Variants in HTR1F observed in about 807,000 individuals in gnomAD.
The protein encoded by HTR1F is 5-hydroxytryptamine (serotonin) receptor 1F, G protein-coupled.
In HTR1F, 17 loss-of-function variants were observed where a neutral mutation model predicts 24.0. The observed-to-expected ratio is 0.71, with a 90% CI of 0.48 to 1.06. The LOEUF (loss-of-function observed/expected upper bound fraction) is 1.06. Ranked by LOEUF, HTR1F falls within the 50% of genes least tolerant of loss-of-function variation. The pLI, the probability that HTR1F is intolerant of heterozygous loss-of-function variation, is 0.00. For synonymous variants in HTR1F, 186 were observed against 156.8 expected, an observed-to-expected ratio of 1.19 and a Z score of -1.39; for missense variants, 391 against 427.8, an observed-to-expected ratio of 0.91 and a Z score of 0.76.
intron 2 of HTR1F, among the ~76,000 whole-genome samples, chr3:87,857,251 GA>G (rs1300980970): frequency 6.6e-6 from 1 of 151,272 alleles, no homozygotes; most frequent in Non-Finnish European, 1.5e-5. Context: ...CCAATTAAGA[GA>G]AAAAAATTCT....
intron 2 of HTR1F, among the ~76,000 whole-genome samples, chr3:87,935,245 T>A (rs1704383569): frequency 6.6e-6 from 1 of 152,048 alleles, no homozygotes; most frequent in African/African-American, 2.4e-5. Flanking sequence ...GCCCCAAAAA[T>A]GAAGAGAAAA....
chr3:87,919,806 G>A (rs1204622161), intron 2 of HTR1F, among the ~76,000 whole-genome samples: 1 of 151,970 alleles, frequency 6.6e-6, no homozygotes, highest in Non-Finnish European at 1.5e-5. Context: ...GGAGTACAGT[G>A]TGGAGATTCC....
chr3:87,823,546 A>C (rs1173020376), intron 2 of HTR1F, among the ~76,000 whole-genome samples: 1 of 140,620 alleles, frequency 7.1e-6, no homozygotes, highest in Non-Finnish European at 1.5e-5. Context: ...ACACGGTCTC[A>C]TGCTTTTACC....
rs372074106 is a variant in HTR1F, at chr3:87,990,899, G to A, written c.150G>A (p.Val50=). 6.2e-7 allele frequency: 1 copy of A among 1,614,052 alleles called. No individual in the cohort carries two copies. Among genetic ancestry groups the A allele is most frequent in the African/African-American group, 1.3e-5 (1 of 74,920 alleles). Reference sequence around the variant, plus strand: ...CCCTTGTGATCGCTGCAATTATTGTGACCCGGAAGCTGCACCATCCAGCCA... The same window carrying A: ...CCCTTGTGATCGCTGCAATTATTGTAACCCGGAAGCTGCACCATCCAGCCA... ...INSLVIAAII[V]TRKLHHPANY... The change falls in exon 3 of 3, where the codon GTG becomes GTA. Residue 50 remains valine (V), a synonymous_variant. Coordinates refer to ENST00000319595, the MANE Select transcript of HTR1F (RefSeq NM_001322209.2).
chr3:87,902,373 T>C (rs1706343512), intron 2 of HTR1F, among the ~76,000 whole-genome samples: 1 of 152,106 alleles, frequency 6.6e-6, no homozygotes, highest in Admixed American at 6.6e-5. Flanking sequence ...GGGAGGAATA[T>C]GAATCTTGAT....
intron 2 of HTR1F, among the ~76,000 whole-genome samples, chr3:87,934,011 G>A (rs1704351139): frequency 6.6e-6 from 1 of 152,090 alleles, no homozygotes; most frequent in Non-Finnish European, 1.5e-5. Flanking sequence ...TCCAGTCCCT[G>A]GGAAAACTGT....
intron 2 of HTR1F, among the ~76,000 whole-genome samples, chr3:87,925,384 T>C (rs1704101866): frequency 6.6e-6 from 1 of 152,058 alleles, no homozygotes; most frequent in Admixed American, 6.6e-5. Context: ...GTTACTTGGG[T>C]CTTGGAAATG....
At chr3:87,846,446 A>C (rs910519980) in intron 2 of HTR1F, among the ~76,000 whole-genome samples, 4 of 151,770 alleles carry the variant, frequency 2.6e-5, no homozygotes, top group Admixed American at 2.0e-4. Flanking sequence ...CAAAAAAAAA[A>C]TATATTATGA....
chr3:87,952,050 C>T (rs1386761879), intron 2 of HTR1F, among the ~76,000 whole-genome samples: 1 of 151,950 alleles, frequency 6.6e-6, no homozygotes, highest in Non-Finnish European at 1.5e-5. Context: ...GGATGTACCA[C>T]AGTTAATCTA....
chr3:87,980,996 T>TG lies in HTR1F; in HGVS notation c.-42-9705dup, dbSNP rs533025798. Among the ~76,000 whole-genome samples, 301 of 152,030 alleles carry TG rather than the reference T, an allele frequency of 2.0e-3. 2 individuals are homozygous for TG. Among genetic ancestry groups the TG allele is most frequent in the African/African-American group, 6.7e-3 (276 of 41,482 alleles). ...GTAGCTGGGGGGCTGCTGCTGCACC[T>TG]GGGGGGGTGGGGCTCCCACCCCACC... On this transcript the variant is annotated intron_variant, in intron 2 of 2. Transcript: ENST00000319595.
At chr3:87,905,601 A>G (rs1451538200) in intron 2 of HTR1F, among the ~76,000 whole-genome samples, 3 of 152,120 alleles carry the variant, frequency 2.0e-5, no homozygotes, top group Non-Finnish European at 4.4e-5. Flanking sequence ...AGTCATTGAG[A>G]CATACTTTTT....
At chr3:87,895,850 A>C (rs1320820499) in intron 2 of HTR1F, among the ~76,000 whole-genome samples, 1 of 152,172 alleles carries the variant, frequency 6.6e-6, no homozygotes, top group Non-Finnish European at 1.5e-5. Flanking sequence ...GATACAGGTA[A>C]GATAAGAGTT....
At chr3:87,865,862 T>C (rs1203065964) in intron 2 of HTR1F, among the ~76,000 whole-genome samples, 1 of 152,194 alleles carries the variant, frequency 6.6e-6, no homozygotes, top group African/African-American at 2.4e-5. Flanking sequence ...TGCATGTATA[T>C]CTACCAGTGG....
At chr3:87,830,393 T>TAAAGTAAGTAA (rs1704551026) in intron 2 of HTR1F, among the ~76,000 whole-genome samples, 1 of 152,224 alleles carries the variant, frequency 6.6e-6, no homozygotes, top group East Asian at 1.9e-4. Context: ...GTAAATGAAG[T>TAAAGTAAGTAA]AGTGGTAAGT....
intron 2 of HTR1F, among the ~76,000 whole-genome samples, chr3:87,931,048 CT>C (rs148609245): frequency 0.51 from 58,988 of 116,548 alleles, 12,260 homozygotes; most frequent in African/African-American, 0.57. Flanking sequence ...TTTTTTTTTA[CT>C]TTTTTTATTG....
At chr3:87,953,777 A>C (rs945412704) in intron 2 of HTR1F, among the ~76,000 whole-genome samples, 7 of 151,900 alleles carry the variant, frequency 4.6e-5, no homozygotes, top group Non-Finnish European at 8.8e-5. Flanking sequence ...AAGATATGGA[A>C]TCAACCTAAG....
chr3:87,934,885 A>C (rs1419453174), intron 2 of HTR1F, among the ~76,000 whole-genome samples: 2 of 152,196 alleles, frequency 1.3e-5, no homozygotes, highest in Non-Finnish European at 2.9e-5. Flanking sequence ...TTTCATTTTG[A>C]GACAGAGTCT....
At chr3:87,814,994 G>A (rs2107107565) in intron 1 of HTR1F, among the ~76,000 whole-genome samples, 1 of 152,182 alleles carries the variant, frequency 6.6e-6, no homozygotes, top group East Asian at 1.9e-4. Context: ...TATGGGCAAT[G>A]ACACATGGAT....
intron 2 of HTR1F, among the ~76,000 whole-genome samples, chr3:87,914,971 G>T (rs778912545): frequency 8.6e-5 from 13 of 152,016 alleles, no homozygotes; most frequent in African/African-American, 1.2e-4. Flanking sequence ...ACTAAAACAG[G>T]TGCTGGTATC....
Sources: allele counts gnomAD v4.1 joint callset (sites outside exome capture counted in the v4.1 genomes callset), GRCh38; gene constraint gnomAD v4.1.1; transcripts MANE v1.5; gene names NCBI Gene and HGNC (gene_info 2026-07-23, HGNC 2026-07-21).